FHIT: variants seen among roughly 807,000 people sequenced by gnomAD.
FHIT encodes bis(5'-adenosyl)-triphosphatase.
A neutral mutation model predicts 17.9 loss-of-function variants in FHIT; 19 were observed. The observed-to-expected ratio is 1.06, with a 90% CI of 0.74 to 1.56. The LOEUF (loss-of-function observed/expected upper bound fraction) is 1.56, where lower values mean the gene tolerates loss of function less well. Among genes scored for constraint, FHIT ranks in the 40% most tolerant of loss-of-function variants. The pLI, the probability that FHIT is intolerant of heterozygous loss-of-function variation, is 0.00. For missense variants in FHIT, 248 were observed against 189.2 expected (o/e 1.31, Z -1.82); for synonymous variants, 81 against 69.7 (o/e 1.16, Z -0.81).
At chr3:59,757,370 G>C (rs554514239) in intron 8 of FHIT, among the ~76,000 whole-genome samples, 1 of 152,150 alleles carries the variant, frequency 6.6e-6, no homozygotes, top group Non-Finnish European at 1.5e-5. Flanking sequence ...GCTAGAAATG[G>C]TTTTTGGGGA....
chr3:60,875,156 T>G (rs1255661232), intron 3 of FHIT, among the ~76,000 whole-genome samples: 7 of 152,134 alleles, frequency 4.6e-5, no homozygotes, highest in African/African-American at 1.7e-4. Context: ...GGCTTCTTTA[T>G]TCTTCCTCCC....
chr3:61,081,021 T>G (rs1019648882), intron 2 of FHIT, among the ~76,000 whole-genome samples: 6 of 152,222 alleles, frequency 3.9e-5, no homozygotes, highest in African/African-American at 1.4e-4. Context: ...CAAGGCGGCC[T>G]GGAGAGAAGC....
At chr3:60,141,072 C>T (rs904039631) in intron 5 of FHIT, among the ~76,000 whole-genome samples, 2 of 152,040 alleles carry the variant, frequency 1.3e-5, no homozygotes, top group African/African-American at 4.8e-5. Context: ...GACTAAATAG[C>T]AGAAGAATGA....
intron 2 of FHIT, among the ~76,000 whole-genome samples, chr3:61,087,674 T>C: frequency 6.6e-6 from 1 of 152,062 alleles, no homozygotes; most frequent in Admixed American, 6.6e-5. Context: ...TGCTAAGTAA[T>C]TCAATCAAAC....
chr3:59,915,888 G>C (rs1469321253), intron 8 of FHIT, among the ~76,000 whole-genome samples: 1 of 151,102 alleles, frequency 6.6e-6, no homozygotes, highest in Non-Finnish European at 1.5e-5. Context: ...GCTATGATTG[G>C]GCCACTGCTG....
chr3:60,725,054 A>G (rs1553709080), intron 4 of FHIT, among the ~76,000 whole-genome samples: 8 of 152,138 alleles, frequency 5.3e-5, no homozygotes, highest in African/African-American at 1.9e-4. Flanking sequence ...GCATCTTTTC[A>G]TGGGCTTATT....
rs75859172 is a variant in FHIT at position 60,749,970 on chromosome 3, A to G, written c.-18+71949T>C. Among the ~76,000 whole-genome samples, 468 of 152,316 alleles carry G rather than the reference A, an allele frequency of 3.1e-3. 2 individuals are homozygous for G. Among genetic ancestry groups the G allele is most frequent in the African/African-American group, 0.011 (440 of 41,574 alleles). ...TGACACTAAACTGGGAACTTTTTCT[A>G]TGTCATTTTATGACGTAGGCACTAC... is the stretch of plus-strand genomic sequence containing the variant. On this transcript the variant is annotated intron_variant, in intron 4 of 9. Coordinates refer to ENST00000492590, the MANE Select transcript of FHIT (RefSeq NM_002012.4).
At chr3:60,214,326 T>C (rs1266445603) in intron 5 of FHIT, among the ~76,000 whole-genome samples, 2 of 152,146 alleles carry the variant, frequency 1.3e-5, no homozygotes, top group East Asian at 3.9e-4. Flanking sequence ...AGCTATCCTT[T>C]TACTTCACCA....
chr3:60,164,201 G>A (rs186168424), intron 5 of FHIT, among the ~76,000 whole-genome samples: 4 of 152,298 alleles, frequency 2.6e-5, no homozygotes, highest in Non-Finnish European at 5.9e-5. Flanking sequence ...ATCCCTGGCA[G>A]GATGGACATT....
chr3:60,952,312 G>A (rs1553777459), intron 3 of FHIT, among the ~76,000 whole-genome samples: 2 of 152,296 alleles, frequency 1.3e-5, no homozygotes, highest in East Asian at 1.9e-4. Context: ...GCAATCAGCT[G>A]TTGGATACCA....
chr3:60,743,114 C>A (rs1338130176), intron 4 of FHIT, among the ~76,000 whole-genome samples: 2 of 151,908 alleles, frequency 1.3e-5, no homozygotes, highest in Non-Finnish European at 1.5e-5. Context: ...TGGCTTCGGA[C>A]ACAGTGCTGC....
At chr3:60,993,908 A>T (rs1445502139) in intron 3 of FHIT, among the ~76,000 whole-genome samples, 1 of 152,194 alleles carries the variant, frequency 6.6e-6, no homozygotes, top group Non-Finnish European at 1.5e-5. Flanking sequence ...CTGGGCTGCC[A>T]GTGACAGTAG....
intron 8 of FHIT, among the ~76,000 whole-genome samples, chr3:59,776,817 C>T (rs1702344357): frequency 1.3e-5 from 2 of 152,114 alleles, no homozygotes; most frequent in South Asian, 2.1e-4. Flanking sequence ...TAATATCATC[C>T]TTTTATTACA....
At chr3:60,416,012 T>C (rs1472428492) in intron 5 of FHIT, among the ~76,000 whole-genome samples, 2 of 150,922 alleles carry the variant, frequency 1.3e-5, no homozygotes, top group African/African-American at 4.8e-5. Flanking sequence ...TACCACACAG[T>C]TGTTCAATAC....
At chr3:60,806,011 A>G (rs1422046728) in intron 4 of FHIT, among the ~76,000 whole-genome samples, 3 of 152,258 alleles carry the variant, frequency 2.0e-5, no homozygotes, top group Non-Finnish European at 4.4e-5. Flanking sequence ...TCTGTATATT[A>G]CTTAAGTGCA....
At chr3:59,880,368 G>GTAGCCTC (rs1229428758) in intron 8 of FHIT, among the ~76,000 whole-genome samples, 1 of 152,156 alleles carries the variant, frequency 6.6e-6, no homozygotes, top group African/African-American at 2.4e-5. Flanking sequence ...CGGTTTCAAA[G>GTAGCCTC]TAGCCTCTAC....
At chr3:60,090,985 C>T (rs1054804479) in intron 5 of FHIT, among the ~76,000 whole-genome samples, 2 of 152,178 alleles carry the variant, frequency 1.3e-5, no homozygotes, top group African/African-American at 4.8e-5. Flanking sequence ...TCCATAATGA[C>T]CGATTAACCA....
At chr3:60,477,491 C>T (rs2033404614) in intron 5 of FHIT, among the ~76,000 whole-genome samples, 3 of 152,178 alleles carry the variant, frequency 2.0e-5, no homozygotes, top group Non-Finnish European at 4.4e-5. Flanking sequence ...TGTGTACTCT[C>T]TTGCCAGGCA....
chr3:60,200,668 G>GC (rs962970115), intron 5 of FHIT, among the ~76,000 whole-genome samples: 1 of 95,626 alleles, frequency 1.0e-5, no homozygotes, highest in Non-Finnish European at 2.3e-5. Context: ...GTTGCTTTTG[G>GC]GGGAAAAAAA....
Sources: gnomAD v4.1 joint callset for allele counts (sites outside exome capture counted in the v4.1 genomes callset) on GRCh38, gnomAD v4.1.1 for gene constraint, MANE v1.5 for transcripts, NCBI Gene and HGNC (gene_info 2026-07-23, HGNC 2026-07-21) for gene names.